The following DLGAP2 variants were observed in gnomAD, a reference collection of about 807,000 sequenced individuals.
DLGAP2 encodes the protein DLG associated protein 2.
Under a neutral mutation model 100.3 loss-of-function variants are expected in DLGAP2, and 26 were observed. That is an observed-to-expected ratio of 0.26 (90% confidence interval 0.19 to 0.36). The LOEUF is 0.36. Among genes scored for constraint, DLGAP2 ranks in the 10% least tolerant of loss-of-function variants. DLGAP2 has a pLI of 1.00. For synonymous variants in DLGAP2, 886 were observed against 630.1 expected, an observed-to-expected ratio of 1.41 and a Z score of -6.08; for missense variants, 1,858 against 1,453.2, an observed-to-expected ratio of 1.28 and a Z score of -4.53.
At chr8:765,432 A>G (rs1821185682) in intron 1 of DLGAP2, among the ~76,000 whole-genome samples, 1 of 152,174 alleles carries the variant, frequency 6.6e-6, no homozygotes, top group Admixed American at 6.5e-5. Context: ...TGTTAGTGCC[A>G]TATGTTGGTG....
intron 4 of DLGAP2, among the ~76,000 whole-genome samples, chr8:1,545,073 A>G (rs191748495): frequency 6.6e-6 from 1 of 152,152 alleles, no homozygotes; most frequent in East Asian, 1.9e-4. Flanking sequence ...AGGGATATTA[A>G]TCTATAGTTT....
At chr8:1,491,941 G>A (rs1018339173) in intron 3 of DLGAP2, among the ~76,000 whole-genome samples, 1 of 152,208 alleles carries the variant, frequency 6.6e-6, no homozygotes, top group African/African-American at 2.4e-5. Flanking sequence ...AGCGGGACGC[G>A]AGGGGGTGAC....
intron 4 of DLGAP2, among the ~76,000 whole-genome samples, chr8:1,540,913 T>G (rs554760318): frequency 6.6e-6 from 1 of 152,286 alleles, no homozygotes. Context: ...TACAAAACAT[T>G]TAAATAAGAA....
intron 3 of DLGAP2, among the ~76,000 whole-genome samples, chr8:1,465,977 A>T (rs1798616294): frequency 6.6e-6 from 1 of 152,200 alleles, no homozygotes; most frequent in Non-Finnish European, 1.5e-5. Flanking sequence ...GGGAGGTCAG[A>T]GAGAGACTCC....
rs34825218 is a variant in DLGAP2, at chr8:739,816, C to T, written c.18+1991C>T. ...ACACATTAGAATATTTTATCCCCTA[C>T]ATCTGGCAGCATGTGGAGCAGGCTG... On this transcript the variant is annotated intron_variant, in intron 1 of 14. Coordinates refer to ENST00000637795, the MANE Select transcript of DLGAP2 (RefSeq NM_001346810.2). 8.1e-3 allele frequency: 1,237 copies of T among 152,328 alleles called. 3 individuals are homozygous for T. The highest frequency in any genetic ancestry group is 0.017 in the South Asian group (83 of 4,824). The allele number at this position is 152,328 out of a possible 1,614,324, so 9.4% of individuals were successfully genotyped here.
At chr8:1,518,611 C>T (rs557751010) in intron 4 of DLGAP2, among the ~76,000 whole-genome samples, 8 of 152,206 alleles carry the variant, frequency 5.3e-5, no homozygotes, top group African/African-American at 1.7e-4. Context: ...GGCCCAGACA[C>T]CCTTATGTTC....
chr8:1,669,213 C>G (rs1018828167), intron 9 of DLGAP2, among the ~76,000 whole-genome samples: 2 of 152,212 alleles, frequency 1.3e-5, no homozygotes, highest in African/African-American at 4.8e-5. Flanking sequence ...GCTGGGGTCA[C>G]AGATGTTGCA....
chr8:1,308,291 C>T (rs746262343), intron 3 of DLGAP2, among the ~76,000 whole-genome samples: 1 of 152,166 alleles, frequency 6.6e-6, no homozygotes, highest in Non-Finnish European at 1.5e-5. Flanking sequence ...CCTTAAGAAA[C>T]AGAGACTCCA....
chr8:1,460,917 C>G (rs139088400), intron 3 of DLGAP2, among the ~76,000 whole-genome samples: 1 of 152,202 alleles, frequency 6.6e-6, no homozygotes, highest in Non-Finnish European at 1.5e-5. Flanking sequence ...TCAGAAAGGA[C>G]TCTCTCCAGA....
At chr8:1,665,888 G>T (rs574557795) in intron 8 of DLGAP2, among the ~76,000 whole-genome samples, 1 of 152,208 alleles carries the variant, frequency 6.6e-6, no homozygotes, top group Non-Finnish European at 1.5e-5. Context: ...CCCCTTTATC[G>T]ATGAGCCCTC....
At chr8:1,407,559 C>T (rs76246376) in intron 3 of DLGAP2, among the ~76,000 whole-genome samples, 583 of 98,640 alleles carry the variant, frequency 5.9e-3, no homozygotes, top group African/African-American at 0.023. Flanking sequence ...GCCACCTCCT[C>T]ATCCTCCAGA....
At chr8:1,076,439 A>C (rs1209586190) in intron 2 of DLGAP2, among the ~76,000 whole-genome samples, 1 of 152,174 alleles carries the variant, frequency 6.6e-6, no homozygotes, top group Non-Finnish European at 1.5e-5. Context: ...CGGATGGGTT[A>C]GAGGGCAGGA....
At chr8:998,171 C>G (rs956696770) in intron 2 of DLGAP2, among the ~76,000 whole-genome samples, 6 of 152,230 alleles carry the variant, frequency 3.9e-5, no homozygotes, top group Non-Finnish European at 8.8e-5. Flanking sequence ...CACATGTATA[C>G]ACACAAATGT....
At chr8:1,536,891 T>C (rs150806844) in intron 4 of DLGAP2, among the ~76,000 whole-genome samples, 2,775 of 152,282 alleles carry the variant, frequency 0.018, 77 homozygotes, top group African/African-American at 0.059. Flanking sequence ...GGGCATTCAG[T>C]GCTCACAGTC....
intron 2 of DLGAP2, among the ~76,000 whole-genome samples, chr8:1,046,513 C>T (rs1185305295): frequency 6.6e-6 from 1 of 152,156 alleles, no homozygotes; most frequent in Non-Finnish European, 1.5e-5. Context: ...TAAAGAGAGA[C>T]ATTAAAGGGG....
At chr8:1,011,411 A>G (rs1293052571) in intron 2 of DLGAP2, among the ~76,000 whole-genome samples, 20 of 142,758 alleles carry the variant, frequency 1.4e-4, no homozygotes, top group African/African-American at 5.3e-4. Context: ...GTCTCAGTCT[A>G]CACAGTGAGC....
intron 3 of DLGAP2, among the ~76,000 whole-genome samples, chr8:1,480,181 G>A (rs377615872): frequency 7.2e-5 from 11 of 152,276 alleles, no homozygotes; most frequent in Non-Finnish European, 1.5e-4. Flanking sequence ...TCCCCCCTCC[G>A]CCTGCTGAGC....
chr8:915,132 TCTTCCTAAATTGAG>T (rs1798563661), intron 2 of DLGAP2, among the ~76,000 whole-genome samples: 2 of 152,316 alleles, frequency 1.3e-5, no homozygotes, highest in South Asian at 4.1e-4. Flanking sequence ...CTCTGAAATC[TCTTCCTAAATTGAG>T]AGAGAGCCCT....
chr8:1,255,194 G>C (rs568624005), intron 2 of DLGAP2, among the ~76,000 whole-genome samples: 7 of 99,202 alleles, frequency 7.1e-5, no homozygotes, highest in East Asian at 3.2e-4. Flanking sequence ...TCCTGCCTGG[G>C]TGCTGTGTGT....
Sources: allele counts gnomAD v4.1 joint callset (sites outside exome capture counted in the v4.1 genomes callset), GRCh38; gene constraint gnomAD v4.1.1; transcripts MANE v1.5; gene names NCBI Gene and HGNC (gene_info 2026-07-23, HGNC 2026-07-21).